The following ZNF639 variants were observed in gnomAD, a reference collection of about 807,000 sequenced individuals.
ZNF639 encodes zinc finger protein 639.
ZNF639 carries 20 observed loss-of-function variants against 39.8 expected under a neutral mutation model. That is an observed-to-expected ratio of 0.50 (90% CI 0.35 to 0.73). The LOEUF (loss-of-function observed/expected upper bound fraction) is 0.73, where lower values mean the gene tolerates loss of function less well. Among genes scored for constraint, ZNF639 ranks in the 30% least tolerant of loss-of-function variants. The pLI, the probability that ZNF639 is intolerant of heterozygous loss-of-function variation, is 0.00. For synonymous variants in ZNF639, 176 were observed against 189.8 expected (o/e 0.93, Z 0.60); for missense variants, 477 against 566.2 (o/e 0.84, Z 1.60).
Position 179,333,589 on chromosome 3 carries a change from T to G in ZNF639, c.625T>G (p.Cys209Gly). The change falls in exon 6 of 6, where the codon TGT (cysteine) becomes GGT (glycine). Residue 209 changes from cysteine to glycine, a missense_variant. Physicochemically the swap from Cys to Gly is radical, Grantham distance 159. Coordinates refer to ENST00000496856, the MANE Select transcript of ZNF639 (RefSeq NM_001303426.2). ...NSSGLYKCEL[C>G]EFNSKYFSDL... The stretch of plus-strand genomic sequence containing the variant: ...CAGTGGCCTCTATAAATGTGAACTT[T>G]GTGAGTTTAACAGCAAATATTTTTC... 1 of 1,614,124 alleles carries G rather than the reference T, an allele frequency of 6.2e-7. No homozygotes were observed. The highest frequency in any genetic ancestry group is 8.5e-7 in the Non-Finnish European group (1 of 1,180,028).
At position 179,335,702 on chromosome 3, in the gene ZNF639, TG is replaced by T. The variant is rs1433167686; in HGVS notation, c.*1282del. On this transcript the variant is annotated 3_prime_UTR_variant, in exon 6 of 6. Coordinates refer to ENST00000496856, the MANE Select transcript of ZNF639 (RefSeq NM_001303426.2). ...GAAGGATCTGTTTCAGGTCTGTCCTTGGCTTGTAGATGGATAGCCTCATGTT... is the reference window on the plus strand; with the variant it reads ...GAAGGATCTGTTTCAGGTCTGTCCTTGCTTGTAGATGGATAGCCTCATGTT... 1.3e-5 allele frequency: 2 copies of T among 151,586 alleles called. No homozygotes were observed. The highest frequency in any genetic ancestry group is 3.9e-4 in the East Asian group (2 of 5,168). 9.4% of individuals were successfully genotyped at this position (151,586 alleles called of 1,614,324 possible). A position where few individuals can be genotyped will look rare whatever the true frequency, so the allele number is the denominator to read the frequency against.
intron 3 of ZNF639, 98 bp downstream of exon 3, chr3:179,328,449 T>C (rs1560179484): frequency 3.9e-6 from 3 of 770,172 alleles, no homozygotes; most frequent in Admixed American, 3.0e-5. Flanking sequence ...GACTTAAATA[T>C]CTGGGTCAAT....
chr3:179,327,231 T>C (rs1398997069), intron 1 of ZNF639, among the ~76,000 whole-genome samples: 1 of 152,178 alleles, frequency 6.6e-6, no homozygotes, highest in Non-Finnish European at 1.5e-5. Flanking sequence ...TTCATTATGC[T>C]TGCTTTCCTT....
chr3:179,334,175 T>G lies in ZNF639; in HGVS notation c.1211T>G (p.Val404Gly). Residue 404 changes from valine (V) to glycine (G), a missense_variant, in exon 6 of 6, where the codon GTT becomes GGT. By Grantham distance (109) the Val-to-Gly change is moderately radical. Coordinates refer to ENST00000496856, the MANE Select transcript of ZNF639 (RefSeq NM_001303426.2). ...GAACATACAAAAATTTTTCCTCATG[T>G]TTGTGATGACTGTGGGAAAGGCTTT... ...AIEHTKIFPH[V>G]CDDCGKGFSS... The G allele has an allele frequency of 6.2e-7, 1 of 1,614,140 alleles. No individual in the cohort carries two copies. The highest frequency in any genetic ancestry group is 8.5e-7 in the Non-Finnish European group (1 of 1,180,000).
rs1728092343 is a variant in ZNF639 at position 179,334,224 on chromosome 3, G to A, written c.1260G>A (p.Lys420=). Residue 420 remains lysine (K), a synonymous_variant, in exon 6 of 6, where the codon AAG becomes AAA. Transcript: ENST00000496856. Reference sequence around the variant, plus strand: ...TTTCAAGTATGCTAGAATATTGCAAGCATTTAAATTCACATTTATCTGAAG... The same window carrying A: ...TTTCAAGTATGCTAGAATATTGCAAACATTTAAATTCACATTTATCTGAAG... ...KGFSSMLEYC[K]HLNSHLSEGI... 2 of 1,612,720 alleles carry A rather than the reference G, an allele frequency of 1.2e-6. No individual in the cohort carries two copies. Among genetic ancestry groups the A allele is most frequent in the Non-Finnish European group, 1.7e-6 (2 of 1,179,374 alleles).
At position 179,333,775 on chromosome 3, in the gene ZNF639, A is replaced by G; in HGVS notation, c.811A>G (p.Ile271Val). The G allele has an allele frequency of 6.2e-7, 1 of 1,614,202 alleles. No homozygotes were observed. The highest frequency in any genetic ancestry group is 8.5e-7 in the Non-Finnish European group (1 of 1,180,036). Residue 271 changes from isoleucine (I) to valine (V), a missense_variant, in exon 6 of 6, where the codon ATT becomes GTT. Ile to Val is a conservative substitution (Grantham distance 29). Transcript: ENST00000496856. ...TAAATACTGTGATTATAAGACAGTA[A>G]TTTTTGAGAACCTCAGCCAGCACAT... ...ICKYCDYKTV[I>V]FENLSQHIAD... is the part of the protein sequence containing the mutation.
chr3:179,323,609 G>T (rs1478167978), intron 1 of ZNF639, among the ~76,000 whole-genome samples: 1 of 152,200 alleles, frequency 6.6e-6, no homozygotes, highest in African/African-American at 2.4e-5. Flanking sequence ...TGGCGCCGGG[G>T]TGGAGGCGGC....
intron 4 of ZNF639, 83 bp from the exon 5 acceptor site, chr3:179,332,906 A>T (rs945283907): frequency 7.0e-7 from 1 of 1,438,568 alleles, no homozygotes; most frequent in Admixed American, 2.9e-5. Context: ...ATTCAAAATC[A>T]TATTTAAAAA....
At position 179,329,735 on chromosome 3, in the gene ZNF639, C is replaced by T. The variant is rs1276639113; in HGVS notation, c.169+7C>T. The T allele has an allele frequency of 6.7e-7, 1 of 1,490,016 alleles. No individual in the cohort carries two copies. Among genetic ancestry groups the T allele is most frequent in the African/African-American group, 1.4e-5 (1 of 71,224 alleles). The allele number at this position is 1,490,016 out of a possible 1,614,324, so 92.3% of individuals were successfully genotyped here. A position where few individuals can be genotyped will look rare whatever the true frequency, so the allele number is the denominator to read the frequency against. ...AAATATTTTGACAACAAAGGTATAT[C>T]TAATATTTTCGAAAATATGTTTCTT... On this transcript the variant is annotated splice_region_variant and intron_variant, in intron 4 of 5. Coordinates refer to ENST00000496856, the MANE Select transcript of ZNF639 (RefSeq NM_001303426.2).
intron 1 of ZNF639, chr3:179,324,846 T>C (rs2108491202): frequency 6.6e-6 from 1 of 152,374 alleles, no homozygotes; most frequent in African/African-American, 2.4e-5. Context: ...GCTGAGTGTT[T>C]TCAGTGTTCT....
intron 1 of ZNF639, among the ~76,000 whole-genome samples, chr3:179,325,860 G>T (rs1013284286): frequency 2.6e-5 from 4 of 152,002 alleles, no homozygotes; most frequent in African/African-American, 9.7e-5. Flanking sequence ...CAGCCTGGGC[G>T]AAAGAGCGAG....
chr3:179,328,872 T>A (rs1727746392), intron 3 of ZNF639, among the ~76,000 whole-genome samples: 1 of 150,236 alleles, frequency 6.7e-6, no homozygotes, highest in African/African-American at 2.5e-5. Flanking sequence ...GCTTTCTGGG[T>A]TCAAGTGATT....
At chr3:179,324,895 A>G (rs1290521681) in intron 1 of ZNF639, 1 of 152,224 alleles carries the variant, frequency 6.6e-6, no homozygotes, top group East Asian at 1.9e-4. Context: ...TGAAGTGTGA[A>G]GCTTTGGGCT....
Position 179,335,628 on chromosome 3 carries a change from C to T in ZNF639, c.*1206C>T, listed in dbSNP as rs1711506446. 6.6e-6 allele frequency: 1 copy of T among 152,200 alleles called. No homozygotes were observed. The allele number at this position is 152,200 out of a possible 1,614,324, so 9.4% of individuals were successfully genotyped here. ...TGGTCTCACAGTTGTGAAGGCCAGA[C>T]ATTCAAAATGGAGTTATTGGCAGTT... is the stretch of plus-strand genomic sequence containing the variant. On this transcript the variant is annotated 3_prime_UTR_variant, in exon 6 of 6. Transcript: ENST00000496856.
At chr3:179,329,940 T>A (rs1338229513) in intron 4 of ZNF639, 12 of 261,328 alleles carry the variant, frequency 4.6e-5, no homozygotes, top group Non-Finnish European at 7.8e-5. Context: ...TGAGATGGAG[T>A]CTCGCTTTGT....
At chr3:179,329,930 TG>T (rs869264005) in intron 4 of ZNF639, 7 of 276,138 alleles carry the variant, frequency 2.5e-5, no homozygotes, top group African/African-American at 4.6e-5. Flanking sequence ...TTTTTTTTTT[TG>T]AGATGGAGTC....
intron 1 of ZNF639, 73 bp downstream of exon 1, chr3:179,323,364 T>C (rs1012669628): frequency 6.1e-6 from 6 of 985,558 alleles, no homozygotes; most frequent in Non-Finnish European, 7.2e-6. Flanking sequence ...GGGCGCATCT[T>C]CTAACGGGAG....
chr3:179,326,308 C>T (rs921227948), intron 1 of ZNF639, among the ~76,000 whole-genome samples: 2 of 152,108 alleles, frequency 1.3e-5, no homozygotes, highest in Non-Finnish European at 2.9e-5. Flanking sequence ...TTGCAATGAG[C>T]CAAGATCGTG....
At chr3:179,325,541 C>T (rs1224485572) in intron 1 of ZNF639, among the ~76,000 whole-genome samples, 1 of 152,204 alleles carries the variant, frequency 6.6e-6, no homozygotes, top group African/African-American at 2.4e-5. Flanking sequence ...GTAACTCCTC[C>T]ATGTACCGCA....
Sources: allele counts gnomAD v4.1 joint callset (sites outside exome capture counted in the v4.1 genomes callset), GRCh38; gene constraint gnomAD v4.1.1; transcripts MANE v1.5; gene names NCBI Gene and HGNC (gene_info 2026-07-23, HGNC 2026-07-21).